PIK3AP1: variants seen among roughly 807,000 people sequenced by gnomAD.
The protein encoded by PIK3AP1 is phosphoinositide-3-kinase adaptor protein 1.
Under a neutral mutation model 88.1 loss-of-function variants are expected in PIK3AP1, and 21 were observed. That is an observed-to-expected ratio of 0.24 (90% CI 0.17 to 0.34). The LOEUF is 0.34. PIK3AP1 is among the 10% of genes least tolerant of loss of function. The pLI is 1.00. For synonymous variants in PIK3AP1, 398 were observed against 400.0 expected, an observed-to-expected ratio of 1.00 and a Z score of 0.06; for missense variants, 828 against 1,035.7, an observed-to-expected ratio of 0.80 and a Z score of 2.75.
In PIK3AP1 at chr10:96,711,739, A is replaced by ATTTTTTTTTTTTTTTTTTTTTTTTT. The variant is rs763923650; in HGVS notation, c.14-1781_14-1757dup. Among the ~76,000 whole-genome samples, 24 of 66,446 alleles carry ATTTTTTTTTTTTTTTTTTTTTTTTT rather than the reference A, an allele frequency of 3.6e-4. 4 individuals are homozygous for ATTTTTTTTTTTTTTTTTTTTTTTTT. Among genetic ancestry groups the ATTTTTTTTTTTTTTTTTTTTTTTTT allele is most frequent in the African/African-American group, 1.4e-3 (20 of 14,256 alleles). 43.6% of individuals were successfully genotyped at this position (66,446 alleles called of 152,430 possible). On this transcript the variant is annotated intron_variant, in intron 1 of 16. Transcript: ENST00000339364. ...ATTTCCCCCAGGATGAGATTACCAA[A>ATTTTTTTTTTTTTTTTTTTTTTTTT]TTTTTTTTTTTTTTTTTTTTTTTTT...
At chr10:96,678,461 G>T (rs190658634) in intron 2 of PIK3AP1, among the ~76,000 whole-genome samples, 65 of 151,978 alleles carry the variant, frequency 4.3e-4, no homozygotes, top group African/African-American at 1.6e-3. Flanking sequence ...GTAAAGGCAG[G>T]GTTTATCCAT....
chr10:96,713,545 G>A (rs539795076), intron 1 of PIK3AP1, among the ~76,000 whole-genome samples: 65 of 150,594 alleles, frequency 4.3e-4, no homozygotes, highest in African/African-American at 1.5e-3. Context: ...TTAGCCAGGC[G>A]TGGTGGTGTG....
chr10:96,623,395 A>T, intron 11 of PIK3AP1, 77 bp downstream of exon 11: 2 of 1,345,856 alleles, frequency 1.5e-6, no homozygotes, highest in Non-Finnish European at 2.1e-6. Context: ...TCAAGGAGCT[A>T]TTGTTACACT....
intron 2 of PIK3AP1, among the ~76,000 whole-genome samples, chr10:96,695,786 A>T (rs1203384205): frequency 6.6e-6 from 1 of 151,818 alleles, no homozygotes; most frequent in African/African-American, 2.4e-5. Context: ...ATCTCTGCAG[A>T]GACAGACCTA....
chr10:96,691,527 G>A (rs557857013), intron 2 of PIK3AP1, among the ~76,000 whole-genome samples: 45 of 152,194 alleles, frequency 3.0e-4, no homozygotes, highest in Non-Finnish European at 4.4e-4. Flanking sequence ...CAAGGCTTGG[G>A]ACCTAATTGC....
Position 96,626,858 on chromosome 10 carries a change from C to T in PIK3AP1, c.1519G>A (p.Gly507Ser). 1 of 1,614,182 alleles carries T rather than the reference C, an allele frequency of 6.2e-7. No homozygotes were observed. The highest frequency in any genetic ancestry group is 1.1e-5 in the South Asian group (1 of 91,088). ...GTGTGATAAACATCTTCTTCCTGAC[C>T]AAGATGGCACTGATCTCTCTCCAGA... is the stretch of plus-strand genomic sequence containing the variant. ...TNLERDQCHLGQEEDVYHTVD... is the reference protein window; with the variant it reads ...TNLERDQCHLSQEEDVYHTVD... Residue 507 changes from glycine (G) to serine (S), a missense_variant, in exon 10 of 17, where the codon GGT becomes AGT. Gly to Ser is a moderately conservative substitution (Grantham distance 56, BLOSUM62 0). This residue lies in a region of PIK3AP1 where 610 missense variants were observed against 760.1 expected (regional missense o/e 0.80). Coordinates refer to ENST00000339364, the MANE Select transcript of PIK3AP1 (RefSeq NM_152309.3).
chr10:96,715,095 C>A (rs1041407244), intron 1 of PIK3AP1, among the ~76,000 whole-genome samples: 1 of 152,002 alleles, frequency 6.6e-6, no homozygotes, highest in South Asian at 2.1e-4. Flanking sequence ...TTGACAGTCA[C>A]AAATCATGTT....
At position 96,700,902 on chromosome 10, in the gene PIK3AP1, G is replaced by A. The variant is rs78773562; in HGVS notation, c.430+8665C>T. 4.7e-4 allele frequency: 464 copies of A among 984,730 alleles called. 14 individuals carry two copies. In the East Asian group the frequency reaches 0.041, roughly 87 times the overall value. 61.0% of individuals were successfully genotyped at this position (984,730 alleles called of 1,614,324 possible). A position where few individuals can be genotyped will look rare whatever the true frequency, so the allele number is the denominator to read the frequency against. On this transcript the variant is annotated intron_variant, in intron 2 of 16. Transcript: ENST00000339364. The stretch of plus-strand genomic sequence containing the variant: ...CTCTCAGGGCTGCTGCCTGTGACGC[G>A]CCAAGGCCAGGCTCTGAGCCCCTTG...
At chr10:96,688,808 AAAGAAAG>A (rs1844111460) in intron 2 of PIK3AP1, among the ~76,000 whole-genome samples, 1 of 150,072 alleles carries the variant, frequency 6.7e-6, no homozygotes, top group African/African-American at 2.4e-5. Context: ...CAAAAAAAAG[AAAGAAAG>A]AAAGAAAGAA....
At chr10:96,633,238 A>G in intron 8 of PIK3AP1, 1 of 636,290 alleles carries the variant, frequency 1.6e-6, no homozygotes, top group Non-Finnish European at 2.4e-6. Flanking sequence ...ATCAGGAGCC[A>G]TTTTTATTGT....
rs1483720355 is a variant in PIK3AP1 at position 96,694,529 on chromosome 10, T to G, written c.430+15038A>C. 4.4e-5 allele frequency among the ~76,000 whole-genome samples: 5 copies of G among 114,940 alleles called. No homozygotes were observed. The East Asian group carries it at 8.3e-4, about 19-fold the overall frequency. 75.4% of individuals were successfully genotyped at this position (114,940 alleles called of 152,430 possible). A position where few individuals can be genotyped will look rare whatever the true frequency, so the allele number is the denominator to read the frequency against. ...CTCCCCTTCGCTTCCCTTCTCTCCC[T>G]CCTTTCTTTCTTTTTTTTTTTTTTT... On this transcript the variant is annotated intron_variant, in intron 2 of 16. Transcript: ENST00000339364.
Position 96,595,585 on chromosome 10 carries a change from C to T in PIK3AP1, c.2410G>A (p.Gly804Arg). 6.2e-7 allele frequency: 1 copy of T among 1,613,328 alleles called. No homozygotes were observed. Among genetic ancestry groups the T allele is most frequent in the Non-Finnish European group, 8.5e-7 (1 of 1,179,730 alleles). Reference sequence around the variant, plus strand: ...GGTTTTAGGAGGTGGAATCAGCGTCCTCTGGGTGGAACAGGTGGAGGAGGA... The same window carrying T: ...GGTTTTAGGAGGTGGAATCAGCGTCTTCTGGGTGGAACAGGTGGAGGAGGA... ...FHPPPPVPPR[G>R]R is the part of the protein sequence containing the mutation. The change falls in exon 17 of 17, where the codon GGA becomes AGA. Residue 804 changes from glycine to arginine, a missense_variant. By Grantham distance (125) the Gly-to-Arg change is moderately radical. Around this residue, in one of 3 missense-constraint regions of PIK3AP1, gnomAD observed 191 missense variants for 208.6 expected, o/e 0.92. Coordinates refer to ENST00000339364, the MANE Select transcript of PIK3AP1 (RefSeq NM_152309.3).
chr10:96,664,275 A>G (rs1366456133), intron 2 of PIK3AP1, among the ~76,000 whole-genome samples: 3 of 152,242 alleles, frequency 2.0e-5, no homozygotes, highest in Non-Finnish European at 4.4e-5. Context: ...AAAGCAGGAT[A>G]TAAAATTATA....
Position 96,648,723 on chromosome 10 carries a change from T to A in PIK3AP1, c.1121A>T (p.Tyr374Phe). The change falls in exon 7 of 17, where the codon TAC (tyrosine) becomes TTC (phenylalanine). Residue 374 changes from tyrosine (Y) to phenylalanine (F), a missense_variant. Physicochemically the swap from Tyr to Phe is conservative, Grantham distance 22. Transcript: ENST00000339364. ...GTGTTTCTCAGCGATGGTGTTGGGG[T>A]AGTGGCCATGCTTGTTGGCCACGCT... is the stretch of plus-strand genomic sequence containing the variant. ...AYSVANKHGH[Y>F]PNTIAEKHGF... 6.2e-7 allele frequency: 1 copy of A among 1,610,640 alleles called. No homozygotes were observed. Among genetic ancestry groups the A allele is most frequent in the Non-Finnish European group, 8.5e-7 (1 of 1,178,700 alleles).
rs185831191 is a variant in PIK3AP1, at chr10:96,713,307, C to A, written c.14-3324G>T. Among the ~76,000 whole-genome samples the A allele has an allele frequency of 8.6e-5, 13 of 150,902 alleles. No individual in the cohort carries two copies. The East Asian group carries it at 2.3e-3, about 27-fold the overall frequency. ...GGTCAGGAGATCAAAACCATCCTGG[C>A]TAACACGGTGAAACCCCGTCTCTAT... On this transcript the variant is annotated intron_variant, in intron 1 of 16. Coordinates refer to ENST00000339364, the MANE Select transcript of PIK3AP1 (RefSeq NM_152309.3).
chr10:96,705,249 A>G (rs1318238460), intron 2 of PIK3AP1, among the ~76,000 whole-genome samples: 1 of 152,194 alleles, frequency 6.6e-6, no homozygotes, highest in Non-Finnish European at 1.5e-5. Context: ...AGGAAAATTG[A>G]ATTCAGAAGA....
chr10:96,641,241 C>CTGGG (rs1002003179), intron 8 of PIK3AP1, among the ~76,000 whole-genome samples: 6 of 152,130 alleles, frequency 3.9e-5, no homozygotes, highest in Non-Finnish European at 8.8e-5. Flanking sequence ...TCAATTAACA[C>CTGGG]TGGGAGCTTC....
chr10:96,651,487 G>A, intron 5 of PIK3AP1, 22 bp downstream of exon 5: 1 of 1,614,090 alleles, frequency 6.2e-7, no homozygotes, highest in Non-Finnish European at 8.5e-7. Flanking sequence ...AGAAATCTCA[G>A]GTTTCCTTGT....
chr10:96,666,146 G>A (rs1485809068), intron 2 of PIK3AP1, among the ~76,000 whole-genome samples: 1 of 152,196 alleles, frequency 6.6e-6, no homozygotes, highest in African/African-American at 2.4e-5. Context: ...TAGGCCGGGC[G>A]AGGTGGCTCA....
Sources: gnomAD v4.1 joint callset for allele counts (sites outside exome capture counted in the v4.1 genomes callset) on GRCh38, gnomAD v4.1.1 for gene constraint, gnomAD v4.1.1 regional missense constraint, MANE v1.5 for transcripts, NCBI Gene and HGNC (gene_info 2026-07-23, HGNC 2026-07-21) for gene names.